The following PHTF2 variants were observed in gnomAD, a reference collection of about 807,000 sequenced individuals.
PHTF2 encodes the protein putative homeodomain transcription factor 2.
PHTF2 carries 60 observed loss-of-function variants against 101.2 expected under a neutral mutation model. The ratio of observed to expected loss-of-function variants is 0.59; its 90% CI spans 0.48 to 0.73. The LOEUF (loss-of-function observed/expected upper bound fraction) is 0.73. PHTF2 is among the 30% of genes least tolerant of loss of function. PHTF2 has a pLI of 0.00. For missense variants in PHTF2, 747 were observed against 908.7 expected, an observed-to-expected ratio of 0.82 and a Z score of 2.29; for synonymous variants, 311 against 307.3, an observed-to-expected ratio of 1.01 and a Z score of -0.13.
At chr7:77,822,152 A>C (rs987235466) in intron 1 of PHTF2, among the ~76,000 whole-genome samples, 1 of 152,200 alleles carries the variant, frequency 6.6e-6, no homozygotes, top group South Asian at 2.1e-4. Context: ...TGGGAGTGCC[A>C]GACTGTTCCT....
At chr7:77,936,121 C>G (rs1465865262) in intron 12 of PHTF2, among the ~76,000 whole-genome samples, 1 of 152,060 alleles carries the variant, frequency 6.6e-6, no homozygotes, top group Non-Finnish European at 1.5e-5. Context: ...ATAAAAATTT[C>G]CCACCTCTTT....
intron 11 of PHTF2, among the ~76,000 whole-genome samples, chr7:77,926,999 A>G (rs1402267813): frequency 6.6e-6 from 1 of 151,470 alleles, no homozygotes; most frequent in Non-Finnish European, 1.5e-5. Context: ...CTCTACTGAA[A>G]ATATAAAAAT....
intron 4 of PHTF2, among the ~76,000 whole-genome samples, 156 bp downstream of exon 3, chr7:77,893,820 G>A (rs952489075): frequency 5.5e-4 from 84 of 152,022 alleles, no homozygotes; most frequent in African/African-American, 1.9e-3. Context: ...CCATAGTCAC[G>A]TTTACTCCTG....
chr7:77,922,539 T>A, intron 10 of PHTF2, 84 bp from the exon 10 acceptor site: 1 of 1,028,092 alleles, frequency 9.7e-7, no homozygotes, highest in Non-Finnish European at 1.4e-6. Context: ...TATATATGTA[T>A]GTGTAATTTC....
At chr7:77,953,938 AT>A in intron 19 of PHTF2, 44 bp downstream of exon 18, 1 of 1,595,038 alleles carries the variant, frequency 6.3e-7, no homozygotes, top group Non-Finnish European at 8.6e-7. Context: ...TTCCTGTTGC[AT>A]TTTTGTTGCG....
At chr7:77,800,959 A>G (rs562533944) in intron 1 of PHTF2, among the ~76,000 whole-genome samples, 10 of 152,298 alleles carry the variant, frequency 6.6e-5, no homozygotes, top group Admixed American at 3.3e-4. Flanking sequence ...TATTACCACA[A>G]TAAAATTGGC....
intron 1 of PHTF2, among the ~76,000 whole-genome samples, chr7:77,814,436 T>TAAGACACA (rs1793684935): frequency 6.6e-6 from 1 of 152,138 alleles, no homozygotes; most frequent in Non-Finnish European, 1.5e-5. Flanking sequence ...TAACACAGTA[T>TAAGACACA]TTTCTCTGTA....
intron 19 of PHTF2, 80 bp from the exon 19 acceptor site, chr7:77,954,778 T>C (rs1267490478): frequency 9.2e-6 from 7 of 758,100 alleles, no homozygotes; most frequent in Non-Finnish European, 1.1e-5. Flanking sequence ...AAATTTGAAT[T>C]TAAAAATGGT....
rs567263314 is a variant in PHTF2 at position 77,810,777 on chromosome 7, A to G, written c.-36+11806A>G. Among the ~76,000 whole-genome samples the G allele has an allele frequency of 3.9e-5, 6 of 152,206 alleles. No homozygotes were observed. The East Asian group carries it at 7.7e-4, about 20-fold the overall frequency. ...GGTCTCAAACTCCTGACCTCAGGTG[A>G]TCCACCCACCTTGGCCTCCCAAAGT... On this transcript the variant is annotated intron_variant, in intron 1 of 19. Transcript: ENST00000416283.
chr7:77,955,121 A>C (rs1806914640), exon 20 of PHTF2: 1 of 261,380 alleles, frequency 3.8e-6, no homozygotes, highest in Admixed American at 5.4e-5. Flanking sequence ...GGGTGATGAA[A>C]CTGATATCCA....
At chr7:77,853,406 T>C (rs1277590562) in intron 2 of PHTF2, among the ~76,000 whole-genome samples, 5 of 152,112 alleles carry the variant, frequency 3.3e-5, no homozygotes, top group Admixed American at 6.6e-5. Context: ...GAATTTTTTT[T>C]TTTTTGAGAC....
In PHTF2 at chr7:77,947,837, C is replaced by CTTTTTTTTTTTTTTTTTTTTTTT; in HGVS notation, c.1960-1823_1960-1822insTTTTTTTTTTTTTTTTTTTTTTT. On this transcript the variant is annotated intron_variant, in intron 16 of 19. Transcript: ENST00000416283. ...TTATTTTCTTTTTTCTTTTTTCTTT[C>CTTTTTTTTTTTTTTTTTTTTTTT]TTTTTTTTTTTTTTTTTTGAGACAG... 4.9e-3 allele frequency among the ~76,000 whole-genome samples: 358 copies of CTTTTTTTTTTTTTTTTTTTTTTT among 73,784 alleles called. 50 individuals carry two copies. Among genetic ancestry groups the CTTTTTTTTTTTTTTTTTTTTTTT allele is most frequent in the Middle Eastern group, 0.014 (1 of 74 alleles). The allele number at this position is 73,784 out of a possible 152,430, so 48.4% of individuals were successfully genotyped here. A position where few individuals can be genotyped will look rare whatever the true frequency, so the allele number is the denominator to read the frequency against.
At chr7:77,859,628 A>ATCAC (rs1244941658) in intron 3 of PHTF2, among the ~76,000 whole-genome samples, 1 of 150,578 alleles carries the variant, frequency 6.6e-6, no homozygotes, top group Non-Finnish European at 1.5e-5. Context: ...CAGTGGCACA[A>ATCAC]TCACAGCTTA....
In PHTF2 at chr7:77,850,074, G is replaced by A. The variant is rs1022411707; in HGVS notation, c.46-4659G>A. ...CATTGGTGAAAGTGGGCAGTGGCTG[G>A]GCATGGTGGATCATGCCTGCAATCC... is the stretch of plus-strand genomic sequence containing the variant. On this transcript the variant is annotated intron_variant, in intron 2 of 19. Coordinates refer to ENST00000416283, the Ensembl canonical transcript of PHTF2. Among the ~76,000 whole-genome samples, 5 of 151,934 alleles carry A rather than the reference G, an allele frequency of 3.3e-5. No homozygotes were observed. In the East Asian group the frequency reaches 7.7e-4, roughly 23 times the overall value.
chr7:77,913,327 G>A (rs1802583154), intron 9 of PHTF2, among the ~76,000 whole-genome samples: 1 of 150,352 alleles, frequency 6.7e-6, no homozygotes, highest in Non-Finnish European at 1.5e-5. Context: ...AATGGAGGTT[G>A]TAGTGAGTCA....
chr7:77,946,155 T>C (rs887607261), intron 16 of PHTF2, among the ~76,000 whole-genome samples: 2 of 152,172 alleles, frequency 1.3e-5, no homozygotes, highest in Non-Finnish European at 2.9e-5. Flanking sequence ...ATTTCAACTT[T>C]AGAAAATCCA....
intron 11 of PHTF2, among the ~76,000 whole-genome samples, chr7:77,926,913 T>A (rs1424375703): frequency 1.3e-5 from 2 of 151,942 alleles, no homozygotes; most frequent in African/African-American, 4.8e-5. Context: ...ATCCCTGCAC[T>A]TTGGGAGGCT....
intron 11 of PHTF2, among the ~76,000 whole-genome samples, chr7:77,924,453 A>T (rs185743215): frequency 1.3e-5 from 2 of 152,220 alleles, no homozygotes; most frequent in African/African-American, 4.8e-5. Context: ...GAAATATACA[A>T]AATGACTGTG....
intron 11 of PHTF2, among the ~76,000 whole-genome samples, chr7:77,927,191 TATATACATACAC>T (rs1562957457): frequency 5.3e-5 from 5 of 93,738 alleles, no homozygotes; most frequent in South Asian, 3.2e-4. Flanking sequence ...TATATATATA[TATATACATACAC>T]ACACACACAC....
Sources: allele counts gnomAD v4.1 joint callset (sites outside exome capture counted in the v4.1 genomes callset), GRCh38; gene constraint gnomAD v4.1.1; transcripts MANE v1.5; gene names NCBI Gene and HGNC (gene_info 2026-07-23, HGNC 2026-07-21).